The following BLK variants were observed in gnomAD, a reference collection of about 807,000 sequenced individuals.
BLK encodes the protein BLK proto-oncogene, Src family tyrosine kinase, also known as tyrosine-protein kinase Blk.
In BLK, 64 loss-of-function variants were observed where a neutral mutation model predicts 61.8. The observed-to-expected ratio is 1.03, with a 90% CI of 0.85 to 1.27. The LOEUF (loss-of-function observed/expected upper bound fraction) is 1.27. Ranked by LOEUF, BLK falls within the 50% of genes most tolerant of loss-of-function variation. The probability of loss-of-function intolerance (pLI) is 0.00; values close to 1 mark genes in which losing one functional copy is unlikely to be tolerated. For synonymous variants in BLK, 351 were observed against 272.0 expected, an observed-to-expected ratio of 1.29 and a Z score of -2.86; for missense variants, 853 against 660.5, an observed-to-expected ratio of 1.29 and a Z score of -3.19.
chr8:11,532,275 A>G (rs10903339), intron 1 of BLK, among the ~76,000 whole-genome samples: 55,945 of 151,304 alleles, frequency 0.37, 11,233 homozygotes, highest in East Asian at 0.73. Context: ...CTTGGCTCAA[A>G]GCAACCTCTG....
chr8:11,562,845 C>T (rs1801553336), intron 11 of BLK, 134 bp from the exon 12 acceptor site: 2 of 1,244,894 alleles, frequency 1.6e-6, no homozygotes, highest in Non-Finnish European at 2.3e-6. Context: ...CCCCGCCATG[C>T]CTGGCCGCCC....
At chr8:11,506,715 C>A (rs1349534830) in intron 1 of BLK, among the ~76,000 whole-genome samples, 5 of 152,164 alleles carry the variant, frequency 3.3e-5, no homozygotes, top group African/African-American at 1.2e-4. Context: ...TGTCATCAGT[C>A]CATGCAGGGG....
At chr8:11,555,586 AAGTCTTGAGAGGGAGCG>A (rs1349500828) in intron 8 of BLK, 102 bp downstream of exon 8, 1 of 1,549,014 alleles carries the variant, frequency 6.5e-7, no homozygotes, top group Admixed American at 1.8e-5. Flanking sequence ...CCTCCCCCAG[AAGTCTTGAGAGGGAGCG>A]AGGACAGAGG....
chr8:11,539,466 G>T (rs1800277528), intron 1 of BLK, among the ~76,000 whole-genome samples: 2 of 152,026 alleles, frequency 1.3e-5, no homozygotes, highest in South Asian at 2.1e-4. Context: ...GGAGGGGATT[G>T]TTTTTCCAAC....
At chr8:11,554,912 G>A (rs759100656) in intron 7 of BLK, 23 bp downstream of exon 7, 5 of 1,608,926 alleles carry the variant, frequency 3.1e-6, no homozygotes, top group Non-Finnish European at 4.2e-6. Flanking sequence ...GTGCAATGGG[G>A]GCAGGGACTT....
At chr8:11,521,909 C>T (rs979557929) in intron 1 of BLK, among the ~76,000 whole-genome samples, 3 of 152,076 alleles carry the variant, frequency 2.0e-5, no homozygotes, top group Non-Finnish European at 4.4e-5. Context: ...TATTTTTGAG[C>T]CTTTTCTTAT....
intron 1 of BLK, among the ~76,000 whole-genome samples, chr8:11,497,095 A>T (rs1313238654): frequency 1.3e-5 from 2 of 152,138 alleles, no homozygotes. Flanking sequence ...GCTGCGCCTG[A>T]TTAGAGAAAA....
At position 11,556,696 on chromosome 8, in the gene BLK, C is replaced by A. The variant is rs1372364673; in HGVS notation, c.811C>A (p.Leu271Met). The A allele has an allele frequency of 6.2e-7, 1 of 1,614,198 alleles. No individual in the cohort carries two copies. The highest frequency in any genetic ancestry group is 8.5e-7 in the Non-Finnish European group (1 of 1,180,040). Residue 271 changes from leucine to methionine, a missense_variant, in exon 9 of 13, where the codon CTG becomes ATG. Physicochemically the swap from Leu to Met is conservative, Grantham distance 15. Transcript: ENST00000259089. ...KNNMKVAIKT[L>M]KEGTMSPEAF... is the part of the protein sequence containing the mutation. ...CAACATGAAGGTGGCCATTAAGACG[C>A]TGAAGGAGGGAACCATGTCTCCAGA...
intron 1 of BLK, among the ~76,000 whole-genome samples, chr8:11,529,691 T>C (rs1799810924): frequency 6.6e-6 from 1 of 152,214 alleles, no homozygotes; most frequent in South Asian, 2.1e-4. Flanking sequence ...GCTGTTATTG[T>C]CTTCATTTTT....
chr8:11,559,407 A>ACACACC (rs57262465), intron 10 of BLK, among the ~76,000 whole-genome samples: 4 of 129,928 alleles, frequency 3.1e-5, no homozygotes, highest in Non-Finnish European at 5.3e-5. Context: ...ACACACACAC[A>ACACACC]GACACACAGA....
intron 1 of BLK, among the ~76,000 whole-genome samples, chr8:11,510,075 T>C (rs1235613872): frequency 1.3e-5 from 2 of 152,222 alleles, no homozygotes; most frequent in Non-Finnish European, 2.9e-5. Flanking sequence ...TATTTTTGTA[T>C]CACCATAGCA....
At chr8:11,556,150 G>A in intron 8 of BLK, 1 of 228,374 alleles carries the variant, frequency 4.4e-6, no homozygotes. Context: ...AGCAAGTAGA[G>A]TTGTCTTTTG....
chr8:11,541,485 C>A (rs950042630), intron 1 of BLK, among the ~76,000 whole-genome samples: 1 of 149,890 alleles, frequency 6.7e-6, no homozygotes, highest in Admixed American at 6.9e-5. Flanking sequence ...CAATACAAAC[C>A]CATCGTCTCT....
rs141947199 is a variant in BLK, at chr8:11,554,844, C to A, written c.574C>A (p.Arg192=). Residue 192 remains arginine, a synonymous_variant, in exon 7 of 13, where the codon CGG becomes AGG. Coordinates refer to ENST00000259089, the MANE Select transcript of BLK (RefSeq NM_001715.3). The stretch of plus-strand genomic sequence containing the variant: ...TGAAGGGGGCTACTACATCTCCCCC[C>A]GGATCACCTTCCCCTCGCTCCAGGC... ...LDEGGYYISP[R]ITFPSLQALV... is the part of the protein sequence containing the mutation. 3 of 1,613,952 alleles carry A rather than the reference C, an allele frequency of 1.9e-6. No individual in the cohort carries two copies. The highest frequency in any genetic ancestry group is 2.5e-6 in the Non-Finnish European group (3 of 1,180,004).
intron 1 of BLK, chr8:11,509,610 A>T (rs572679246): frequency 6.6e-6 from 1 of 151,990 alleles, no homozygotes; most frequent in Admixed American, 6.6e-5. Context: ...GTCTGTGGCG[A>T]CCCGGCTGCC....
intron 1 of BLK, among the ~76,000 whole-genome samples, chr8:11,536,875 A>G (rs1252527387): frequency 1.3e-5 from 2 of 152,214 alleles, no homozygotes; most frequent in African/African-American, 4.8e-5. Context: ...TCTTTGGTAC[A>G]GAATCATGCC....
chr8:11,544,637 A>T (rs1215648046), intron 2 of BLK, among the ~76,000 whole-genome samples: 1 of 152,234 alleles, frequency 6.6e-6, no homozygotes, highest in East Asian at 1.9e-4. Context: ...CACTTAAAAG[A>T]GTCACATAAT....
rs191422183 is a variant in BLK, at chr8:11,530,774, G to A, written c.-1-12450G>A. 9.2e-5 allele frequency among the ~76,000 whole-genome samples: 14 copies of A among 152,306 alleles called. No individual in the cohort carries two copies. In the East Asian group the frequency reaches 1.9e-3, roughly 21 times the overall value. On this transcript the variant is annotated intron_variant, in intron 1 of 12. Transcript: ENST00000259089. ...GAAAAGATTTTTCCAGTTACTGAATGTTTTGGTTGTTTCCAGCTGGGAGCT... is the reference window on the plus strand; with the variant it reads ...GAAAAGATTTTTCCAGTTACTGAATATTTTGGTTGTTTCCAGCTGGGAGCT...
In BLK at chr8:11,531,424, T is replaced by C. The variant is rs140983815; in HGVS notation, c.-1-11800T>C. 1.6e-4 allele frequency among the ~76,000 whole-genome samples: 25 copies of C among 152,330 alleles called. No homozygotes were observed. In the East Asian group the frequency reaches 4.6e-3, roughly 28 times the overall value. ...TTGTATGCTTCTGACTCATATTCTT[T>C]ATATCCTTTGTGACACCAAGGTCAC... On this transcript the variant is annotated intron_variant, in intron 1 of 12. Transcript: ENST00000259089.
Sources: gnomAD v4.1 joint callset for allele counts (sites outside exome capture counted in the v4.1 genomes callset) on GRCh38, gnomAD v4.1.1 for gene constraint, MANE v1.5 for transcripts, NCBI Gene and HGNC (gene_info 2026-07-23, HGNC 2026-07-21) for gene names.